Variants in NXPE2 observed in about 807,000 individuals in gnomAD.
NXPE2 encodes the protein NXPE family member 2.
Under a neutral mutation model 34.4 loss-of-function variants are expected in NXPE2, and 34 were observed. That is an observed-to-expected ratio of 0.99 (90% CI 0.75 to 1.31). The LOEUF is 1.31. Ranked by LOEUF, NXPE2 falls within the 40% of genes most tolerant of loss-of-function variation. The pLI, the probability that NXPE2 is intolerant of heterozygous loss-of-function variation, is 0.00. For missense variants in NXPE2, 649 were observed against 672.5 expected (o/e 0.97, Z 0.39); for synonymous variants, 235 against 231.3 (o/e 1.02, Z -0.15).
At chr11:114,467,821 A>G in the NXPE2 span, among the ~76,000 whole-genome samples, 8 of 152,118 alleles carry the variant, frequency 5.3e-5, no homozygotes, top group Non-Finnish European at 7.4e-5. Flanking sequence ...CCGTAGTCCC[A>G]ACTACTTGGG....
At chr11:114,744,056 A>G in the NXPE2 span, among the ~76,000 whole-genome samples, 2 of 152,056 alleles carry the variant, frequency 1.3e-5, no homozygotes, top group Admixed American at 6.6e-5. Flanking sequence ...TCCTTTGTTA[A>G]CCCAGCTCAA....
At chr11:114,639,889 A>G in the NXPE2 span, among the ~76,000 whole-genome samples, 1 of 112,392 alleles carries the variant, frequency 8.9e-6, no homozygotes, top group East Asian at 2.5e-4. Context: ...AAAATATGTT[A>G]TATATTATAT....
chr11:114,664,658 G>C, the NXPE2 span, among the ~76,000 whole-genome samples: 1 of 152,154 alleles, frequency 6.6e-6, no homozygotes, highest in African/African-American at 2.4e-5. Flanking sequence ...CCCAACTTGT[G>C]AGGGTTTGAC....
the NXPE2 span, among the ~76,000 whole-genome samples, chr11:114,721,346 G>A: frequency 6.6e-6 from 1 of 151,704 alleles, no homozygotes; most frequent in Middle Eastern, 3.4e-3. Context: ...GGAATGACAA[G>A]GAGCATACTT....
chr11:114,795,773 A>T, the NXPE2 span, among the ~76,000 whole-genome samples: 125,529 of 152,214 alleles, frequency 0.82, 52,207 homozygotes, highest in Non-Finnish European at 0.88. Flanking sequence ...ACTTAGGGTG[A>T]AAGACTGCAA....
chr11:114,533,967 G>C, the NXPE2 span, among the ~76,000 whole-genome samples: 3 of 152,340 alleles, frequency 2.0e-5, no homozygotes, highest in South Asian at 6.2e-4. Context: ...CTTGAGATCT[G>C]AGAATGGGCA....
At chr11:114,709,364 G>C (rs954157684), downstream of NXPE2, among the ~76,000 whole-genome samples, 20 of 151,930 alleles carry the variant, frequency 1.3e-4, no homozygotes, top group African/African-American at 4.8e-4. Context: ...ACCAAATGTT[G>C]GTAAGTGTCA....
the NXPE2 span, among the ~76,000 whole-genome samples, chr11:114,776,683 C>T: frequency 2.6e-5 from 4 of 152,206 alleles, no homozygotes; most frequent in Non-Finnish European, 5.9e-5. Context: ...GTCAAGATGA[C>T]ATCACCTTAG....
chr11:114,799,252 C>A, the NXPE2 span, among the ~76,000 whole-genome samples: 1 of 105,974 alleles, frequency 9.4e-6, no homozygotes. Context: ...GAAAAGGAAA[C>A]ATCTGTCCTA....
the NXPE2 span, chr11:114,580,316 C>T: frequency 6.2e-7 from 1 of 1,613,970 alleles, no homozygotes; most frequent in Non-Finnish European, 8.5e-7. Context: ...ACTTGCATTT[C>T]TCTTTCATTG....
intron 2 of NXPE2, among the ~76,000 whole-genome samples, chr11:114,691,662 G>A (rs191916222): frequency 2.6e-4 from 39 of 152,278 alleles, no homozygotes; most frequent in African/African-American, 8.7e-4. Context: ...AAGAAAGGTG[G>A]GGGTGAGAGA....
the NXPE2 span, among the ~76,000 whole-genome samples, chr11:114,597,249 T>C: frequency 1.2e-4 from 19 of 152,104 alleles, no homozygotes; most frequent in African/African-American, 4.6e-4. Context: ...ATTAGCCCAA[T>C]AGAAGGAAAA....
At chr11:114,608,336 TAA>T in the NXPE2 span, among the ~76,000 whole-genome samples, 1 of 151,954 alleles carries the variant, frequency 6.6e-6, no homozygotes, top group South Asian at 2.1e-4. Context: ...TGCTGGATAA[TAA>T]GTGTTGCCAC....
the NXPE2 span, among the ~76,000 whole-genome samples, chr11:114,740,783 A>G: frequency 6.6e-6 from 1 of 152,116 alleles, no homozygotes; most frequent in Non-Finnish European, 1.5e-5. Context: ...CCACTTCTAT[A>G]ATTATATTGC....
chr11:114,735,049 G>A, the NXPE2 span, among the ~76,000 whole-genome samples: 191 of 152,282 alleles, frequency 1.3e-3, no homozygotes, highest in African/African-American at 4.5e-3. Flanking sequence ...GGCGGAGCTT[G>A]CAGTGAGCTG....
the NXPE2 span, among the ~76,000 whole-genome samples, chr11:114,789,455 T>C: frequency 2.0e-5 from 3 of 152,218 alleles, no homozygotes; most frequent in Admixed American, 2.0e-4. Context: ...GCATAGACAC[T>C]ACCCTTACAG....
chr11:114,808,908 C>G, the NXPE2 span, among the ~76,000 whole-genome samples: 1 of 152,094 alleles, frequency 6.6e-6, no homozygotes, highest in Non-Finnish European at 1.5e-5. Context: ...AATTTTAGAC[C>G]AATATCCTTG....
chr11:114,530,538 A>G, the NXPE2 span: 4 of 1,613,842 alleles, frequency 2.5e-6, no homozygotes, highest in African/African-American at 4.0e-5. Context: ...GTTGAAGTCC[A>G]TCACCTTTCC....
chr11:114,505,622 A>G, the NXPE2 span, among the ~76,000 whole-genome samples: 1 of 152,176 alleles, frequency 6.6e-6, no homozygotes, highest in Non-Finnish European at 1.5e-5. Context: ...ATATCTAGCC[A>G]AACTAAGCTT....
Sources: gnomAD v4.1 joint callset for allele counts (sites outside exome capture counted in the v4.1 genomes callset) on GRCh38, gnomAD v4.1.1 for gene constraint, MANE v1.5 for transcripts, NCBI Gene and HGNC (gene_info 2026-07-23, HGNC 2026-07-21) for gene names.